CANX: variants seen among roughly 807,000 people sequenced by gnomAD.
The protein encoded by CANX is epididymis secretory sperm binding protein.
CANX carries 14 observed loss-of-function variants against 75.7 expected under a neutral mutation model. That is an observed-to-expected ratio of 0.19 (90% confidence interval 0.12 to 0.29). The LOEUF (loss-of-function observed/expected upper bound fraction) is 0.29. Ranked by LOEUF, CANX falls within the 10% of genes least tolerant of loss-of-function variation. The pLI is 1.00. For synonymous variants in CANX, 227 were observed against 236.9 expected, an observed-to-expected ratio of 0.96 and a Z score of 0.38; for missense variants, 567 against 713.2, an observed-to-expected ratio of 0.79 and a Z score of 2.34.
chr5:179,694,865 A>AT (rs922373347), upstream of CANX: 39 of 396,346 alleles, frequency 9.8e-5, no homozygotes, highest in African/African-American at 7.4e-4. Flanking sequence ...AGCAAAAGGT[A>AT]GGCATGAGCA....
intron 9 of CANX, 87 bp downstream of exon 9, chr5:179,719,868 C>T: frequency 1.3e-6 from 1 of 745,358 alleles, no homozygotes; most frequent in East Asian, 2.7e-5. Flanking sequence ...GTCTCCCAGG[C>T]TGGAGTTCAG....
chr5:179,683,289 G>A (rs1265665487), intron 1 of CANX, among the ~76,000 whole-genome samples: 1 of 151,744 alleles, frequency 6.6e-6, no homozygotes, highest in Admixed American at 6.6e-5. Flanking sequence ...CACCATGCCT[G>A]GCTAATTTTT....
chr5:179,723,032 T>C lies in CANX; in HGVS notation c.1398+13T>C, dbSNP rs771858492. 1 of 1,607,418 alleles carries C rather than the reference T, an allele frequency of 6.2e-7. No individual in the cohort carries two copies. The highest frequency in any genetic ancestry group is 8.5e-7 in the Non-Finnish European group (1 of 1,173,962). The stretch of plus-strand genomic sequence containing the variant: ...TGGGGCTGCTGAGGTTCGTGTTTGC[T>C]GCTTGTGCATTTGTGTCTGTTATTG... On this transcript the variant is annotated intron_variant, in intron 11 of 14. Transcript: ENST00000247461.
At chr5:179,680,812 C>T (rs756629802) in intron 1 of CANX, 83 of 1,364,892 alleles carry the variant, frequency 6.1e-5, no homozygotes, top group Non-Finnish European at 8.0e-5. Flanking sequence ...GTTATGCCTT[C>T]GTTAATTCAT....
intron 1 of CANX, among the ~76,000 whole-genome samples, chr5:179,680,459 G>A (rs116755034): frequency 0.024 from 3,613 of 152,234 alleles, 54 homozygotes; most frequent in Non-Finnish European, 0.034. Context: ...CCCTCAAGGT[G>A]CTCCTAATCC....
chr5:179,715,954 C>T (rs2113215766), intron 7 of CANX, 151 bp from the exon 8 acceptor site: 1 of 707,590 alleles, frequency 1.4e-6, no homozygotes, highest in Non-Finnish European at 2.6e-6. Flanking sequence ...GCGTTAGCTT[C>T]CCCAAGACCC....
In CANX at chr5:179,709,347, G is replaced by A. The variant is rs958242991; in HGVS notation, c.528+288G>A. ...GAGAATGGCATGAACCTGGGAGGCG[G>A]AACTTGCAGTGAGCCGAGATTGCGC... On this transcript the variant is annotated intron_variant, in intron 6 of 14. Transcript: ENST00000247461. Among the ~76,000 whole-genome samples the A allele has an allele frequency of 4.6e-5, 7 of 151,724 alleles. No individual in the cohort carries two copies. In the East Asian group the frequency reaches 9.6e-4, roughly 21 times the overall value.
intron 7 of CANX, among the ~76,000 whole-genome samples, chr5:179,710,647 G>T (rs1016072487): frequency 7.3e-6 from 1 of 137,024 alleles, no homozygotes; most frequent in African/African-American, 2.6e-5. Context: ...GGCAGAGCTT[G>T]CAGTGAGCCG....
At chr5:179,682,268 G>C (rs1313236310) in intron 1 of CANX, among the ~76,000 whole-genome samples, 2 of 147,398 alleles carry the variant, frequency 1.4e-5, no homozygotes, top group Non-Finnish European at 1.5e-5. Context: ...AAAAAAAAAG[G>C]AATGATTAAA....
chr5:179,700,156 A>G (rs1776639048), intron 1 of CANX: 2 of 152,196 alleles, frequency 1.3e-5, no homozygotes, highest in Admixed American at 1.3e-4. Context: ...TTATGGTGAT[A>G]GAAGAAACCG....
intron 6 of CANX, among the ~76,000 whole-genome samples, chr5:179,709,512 G>A (rs1174827877): frequency 6.6e-6 from 1 of 152,076 alleles, no homozygotes; most frequent in South Asian, 2.1e-4. Flanking sequence ...TGACTTTGAC[G>A]CTAACGTGCT....
intron 1 of CANX, chr5:179,680,811 T>G (rs1031402975): frequency 2.2e-6 from 3 of 1,368,750 alleles, no homozygotes; most frequent in Middle Eastern, 1.8e-4. Flanking sequence ...TGTTATGCCT[T>G]CGTTAATTCA....
Position 179,724,781 on chromosome 5 carries a change from T to G in CANX, c.1643T>G (p.Leu548Arg), listed in dbSNP as rs1232802393. 1.2e-6 allele frequency: 2 copies of G among 1,604,696 alleles called. No homozygotes were observed. Among genetic ancestry groups the G allele is most frequent in the Non-Finnish European group, 1.7e-6 (2 of 1,174,972 alleles). ...GDEEEEGEEK[L>R]EEKQKSDAEE... is the part of the protein sequence containing the mutation. ...GAGGAGGAGGAAGGAGAAGAGAAACTTGGTAAGAAACAGAGTCCAGAAAAT... is the reference window on the plus strand; with the variant it reads ...GAGGAGGAGGAAGGAGAAGAGAAACGTGGTAAGAAACAGAGTCCAGAAAAT... The change falls in exon 13 of 15, where the codon CTT (leucine) becomes CGT (arginine). Residue 548 changes from leucine (L) to arginine (R), a missense_variant and splice_region_variant. This residue lies in a region of CANX where 167 missense variants were observed against 179.3 expected (regional missense o/e 0.93). Transcript: ENST00000247461.
chr5:179,705,690 G>T lies in CANX; in HGVS notation c.9G>T (p.Gly3=), dbSNP rs964612182. Residue 3 remains glycine (G), a synonymous_variant, in exon 2 of 15, where the codon GGG becomes GGT. Coordinates refer to ENST00000247461, the MANE Select transcript of CANX (RefSeq NM_001746.4). ...CTCTTTATGTGTAGATCATGGAAGG[G>T]AAGTGGTTGCTGTGTATGTTACTGG... ME[G]KWLLCMLLVL... 45 of 1,524,504 alleles carry T rather than the reference G, an allele frequency of 3.0e-5. No homozygotes were observed. The highest frequency in any genetic ancestry group is 3.9e-5 in the Non-Finnish European group (44 of 1,131,832). The allele number at this position is 1,524,504 out of a possible 1,614,324, so 94.4% of individuals were successfully genotyped here.
intron 14 of CANX, 103 bp from the exon 15 acceptor site, chr5:179,728,488 T>C: frequency 2.9e-6 from 2 of 685,154 alleles, no homozygotes; most frequent in Admixed American, 2.6e-5. Context: ...CTCATTTTTT[T>C]CCTCAAATAA....
intron 1 of CANX, among the ~76,000 whole-genome samples, chr5:179,703,303 C>T (rs182874277): frequency 0.01 from 1,528 of 151,676 alleles, 22 homozygotes; most frequent in Non-Finnish European, 0.016. Context: ...CTGCATCCTC[C>T]GCCTCCCAGG....
upstream of CANX, among the ~76,000 whole-genome samples, chr5:179,695,662 T>A (rs1484846729): frequency 1.4e-5 from 2 of 144,496 alleles, no homozygotes; most frequent in Admixed American, 7.1e-5. Flanking sequence ...TTATTTTTAT[T>A]TTTTTTGAGA....
intron 1 of CANX, among the ~76,000 whole-genome samples, chr5:179,691,659 C>A (rs1407152925): frequency 6.6e-6 from 1 of 152,194 alleles, no homozygotes; most frequent in Non-Finnish European, 1.5e-5. Context: ...AATCCCAGCT[C>A]GGGATAGCAT....
At chr5:179,684,926 A>ATTGTTTTTTTTTTTTT (rs1776160843) in intron 1 of CANX, among the ~76,000 whole-genome samples, 1 of 49,138 alleles carries the variant, frequency 2.0e-5, no homozygotes, top group Non-Finnish European at 3.4e-5. Flanking sequence ...CTAATTTTGT[A>ATTGTTTTTTTTTTTTT]TTTTTTTTTT....
Sources: allele counts gnomAD v4.1 joint callset (sites outside exome capture counted in the v4.1 genomes callset), GRCh38; gene constraint gnomAD v4.1.1; regional missense constraint gnomAD v4.1.1; transcripts MANE v1.5; gene names NCBI Gene and HGNC (gene_info 2026-07-23, HGNC 2026-07-21).